TGFBR3: variants seen among roughly 807,000 people sequenced by gnomAD.
TGFBR3 encodes the protein transforming growth factor beta receptor type 3.
TGFBR3 carries 46 observed loss-of-function variants against 87.9 expected under a neutral mutation model. The observed-to-expected ratio is 0.52, with a 90% CI of 0.41 to 0.67. The LOEUF (loss-of-function observed/expected upper bound fraction) is 0.67, where lower values mean the gene tolerates loss of function less well. TGFBR3 is among the 30% of genes least tolerant of loss of function. The probability of loss-of-function intolerance (pLI) is 0.00; values close to 1 mark genes in which losing one functional copy is unlikely to be tolerated. For synonymous variants in TGFBR3, 381 were observed against 391.6 expected (o/e 0.97, Z 0.32); for missense variants, 866 against 1,041.9 (o/e 0.83, Z 2.32).
At chr1:91,857,267 T>G (rs1183845719) in intron 2 of TGFBR3, among the ~76,000 whole-genome samples, 2 of 152,136 alleles carry the variant, frequency 1.3e-5, no homozygotes, top group Admixed American at 6.5e-5. Context: ...CATTATGATA[T>G]TTAAGAACTT....
intron 16 of TGFBR3, among the ~76,000 whole-genome samples, chr1:91,688,918 C>A (rs1323699389): frequency 1.3e-5 from 2 of 152,054 alleles, no homozygotes; most frequent in Non-Finnish European, 2.9e-5. Flanking sequence ...AGGCAAGAGA[C>A]CAAGTCCCAG....
chr1:91,846,167 CA>C (rs1283555126), intron 2 of TGFBR3, among the ~76,000 whole-genome samples: 1 of 152,188 alleles, frequency 6.6e-6, no homozygotes, highest in Admixed American at 6.5e-5. Context: ...GGCCCAATTC[CA>C]AAACGCAATT....
At chr1:91,821,181 T>G (rs1358533885) in intron 2 of TGFBR3, among the ~76,000 whole-genome samples, 2 of 151,772 alleles carry the variant, frequency 1.3e-5, no homozygotes, top group African/African-American at 4.8e-5. Context: ...AATACAAACA[T>G]TAGCCAGGTA....
At chr1:91,743,390 T>C (rs1673224551) in intron 4 of TGFBR3, among the ~76,000 whole-genome samples, 2 of 152,152 alleles carry the variant, frequency 1.3e-5, no homozygotes, top group Admixed American at 1.3e-4. Context: ...AAAGTGGATA[T>C]TAAGTCTCAT....
chr1:91,781,466 G>A (rs1409482119), intron 3 of TGFBR3, among the ~76,000 whole-genome samples: 1 of 152,186 alleles, frequency 6.6e-6, no homozygotes, highest in East Asian at 1.9e-4. Flanking sequence ...CTCTCCAGCA[G>A]AATGAAATGT....
chr1:91,716,327 G>T lies in TGFBR3; in HGVS notation c.1775C>A (p.Thr592Asn), dbSNP rs1672170706. The T allele has an allele frequency of 6.2e-7, 1 of 1,614,186 alleles. No individual in the cohort carries two copies. Among genetic ancestry groups the T allele is most frequent in the East Asian group, 2.2e-5 (1 of 44,868 alleles). The change falls in exon 12 of 17, where the codon ACC becomes AAC. Residue 592 changes from threonine to asparagine, a missense_variant. Thr to Asn is a moderately conservative substitution (Grantham distance 65). Transcript: ENST00000212355. ...AGTGTTGTATAGCTCCATGTTGAAG[G>T]TGATGTTTCCGTGGGGCTGTTCCTG... ...SFQEQPHGNI[T>N]FNMELYNTDL... is the part of the protein sequence containing the mutation.
intron 7 of TGFBR3, among the ~76,000 whole-genome samples, chr1:91,724,477 G>T (rs1274874164): frequency 6.6e-6 from 1 of 152,132 alleles, no homozygotes; most frequent in Non-Finnish European, 1.5e-5. Flanking sequence ...CGTATTTCCA[G>T]AACACTATCA....
intron 2 of TGFBR3, among the ~76,000 whole-genome samples, chr1:91,814,065 G>A (rs1378028711): frequency 1.3e-5 from 2 of 152,200 alleles, no homozygotes; most frequent in African/African-American, 4.8e-5. Flanking sequence ...GTGGCCTGGG[G>A]GTGGGGACCC....
At position 91,727,773 on chromosome 1, in the gene TGFBR3, T is replaced by A; in HGVS notation, c.771A>T (p.Arg257Ser). 4 of 1,614,016 alleles carry A rather than the reference T, an allele frequency of 2.5e-6. No individual in the cohort carries two copies. The highest frequency in any genetic ancestry group is 3.4e-6 in the Non-Finnish European group (4 of 1,179,976). Residue 257 changes from arginine to serine, a missense_variant, in exon 7 of 17, where the codon AGA (arginine) becomes AGT (serine). Transcript: ENST00000212355. ...AFQVDITIDIRPSQEDLEVVK... is the reference protein window; with the variant it reads ...AFQVDITIDISPSQEDLEVVK... ...CCACTTCAAGATCCTCTTGAGAAGG[T>A]CTTATATCAATTGTTATATCCACCT...
At chr1:91,694,350 G>A (rs956624981) in intron 16 of TGFBR3, among the ~76,000 whole-genome samples, 3 of 152,216 alleles carry the variant, frequency 2.0e-5, no homozygotes, top group Non-Finnish European at 2.9e-5. Flanking sequence ...AGGACTCAAA[G>A]TCTCTCTATT....
intron 13 of TGFBR3, among the ~76,000 whole-genome samples, chr1:91,710,041 C>T (rs963921203): frequency 6.6e-6 from 1 of 152,186 alleles, no homozygotes; most frequent in Non-Finnish European, 1.5e-5. Flanking sequence ...CATGAGCCCA[C>T]GCCCAGCCTA....
chr1:91,848,753 T>C (rs1012250381), intron 2 of TGFBR3, among the ~76,000 whole-genome samples: 3 of 152,162 alleles, frequency 2.0e-5, no homozygotes, highest in Non-Finnish European at 2.9e-5. Flanking sequence ...AAACTCATGA[T>C]CCTGAAAACC....
At chr1:91,782,813 G>C (rs1213600652) in intron 3 of TGFBR3, among the ~76,000 whole-genome samples, 1 of 152,126 alleles carries the variant, frequency 6.6e-6, no homozygotes, top group East Asian at 1.9e-4. Flanking sequence ...AAGGCACCTC[G>C]GTATGTGCTC....
intron 3 of TGFBR3, among the ~76,000 whole-genome samples, chr1:91,793,906 A>G (rs953266740): frequency 6.6e-6 from 1 of 152,086 alleles, no homozygotes; most frequent in Admixed American, 6.6e-5. Flanking sequence ...TATTTTTAGC[A>G]TAGACCATAT....
chr1:91,877,845 G>A (rs758110121), intron 1 of TGFBR3, among the ~76,000 whole-genome samples: 7 of 152,120 alleles, frequency 4.6e-5, no homozygotes, highest in South Asian at 2.1e-4. Flanking sequence ...GATTTATCAC[G>A]AATACATAAC....
At chr1:91,758,782 T>C (rs765474037) in intron 3 of TGFBR3, 32 bp from the exon 4 acceptor site, 1 of 1,613,430 alleles carries the variant, frequency 6.2e-7, no homozygotes, top group Non-Finnish European at 8.5e-7. Context: ...GCAGAAATCT[T>C]AGCCCTGGCT....
At chr1:91,836,527 C>T (rs1403057322) in intron 2 of TGFBR3, among the ~76,000 whole-genome samples, 3 of 152,130 alleles carry the variant, frequency 2.0e-5, no homozygotes, top group Admixed American at 1.3e-4. Flanking sequence ...TGCTCTAAAA[C>T]GCTGCGCTCC....
chr1:91,889,335 G>A (rs10875037), upstream of TGFBR3, among the ~76,000 whole-genome samples: 69,584 of 151,810 alleles, frequency 0.46, 16,210 homozygotes, highest in Non-Finnish European at 0.51. Context: ...ACCTGTCCAC[G>A]ATTCAATCTC....
In TGFBR3 at chr1:91,682,153, T is replaced by G. The variant is rs75861863; in HGVS notation, c.*1586A>C. 2 of 453,940 alleles carry G rather than the reference T, an allele frequency of 4.4e-6. No homozygotes were observed. The highest frequency in any genetic ancestry group is 6.9e-5 in the East Asian group (1 of 14,410). 28.1% of individuals were successfully genotyped at this position (453,940 alleles called of 1,614,324 possible). A position where few individuals can be genotyped will look rare whatever the true frequency, so the allele number is the denominator to read the frequency against. On this transcript the variant is annotated 3_prime_UTR_variant, in exon 17 of 17. Coordinates refer to ENST00000212355, the MANE Select transcript of TGFBR3 (RefSeq NM_003243.5). ...TCAATTTCCACATACTTGTTTCCCA[T>G]GTAGACACTGCCCTAAGGTTTTAAG... is the stretch of plus-strand genomic sequence containing the variant.
Sources: gnomAD v4.1 joint callset for allele counts (sites outside exome capture counted in the v4.1 genomes callset) on GRCh38, gnomAD v4.1.1 for gene constraint, MANE v1.5 for transcripts, NCBI Gene and HGNC (gene_info 2026-07-23, HGNC 2026-07-21) for gene names.